Variants in UPF1 observed in about 807,000 individuals in gnomAD.
UPF1 encodes regulator of nonsense transcripts 1.
A neutral mutation model predicts 129.2 loss-of-function variants in UPF1; 9 were observed. The ratio of observed to expected loss-of-function variants is 0.07; its 90% confidence interval spans 0.04 to 0.12. The LOEUF (loss-of-function observed/expected upper bound fraction) is 0.12, where lower values mean the gene tolerates loss of function less well. Ranked by LOEUF, UPF1 falls within the 10% of genes least tolerant of loss-of-function variation. UPF1 has a pLI of 1.00. For missense variants in UPF1, 788 were observed against 1,525.3 expected (o/e 0.52, Z 8.05); for synonymous variants, 649 against 644.9 (o/e 1.01, Z -0.10).
At chr19:18,846,412 C>T (rs1370987660) in intron 2 of UPF1, among the ~76,000 whole-genome samples, 1 of 152,048 alleles carries the variant, frequency 6.6e-6, no homozygotes, top group Non-Finnish European at 1.5e-5. Flanking sequence ...CCTGCGCACT[C>T]ACTCATAGAA....
chr19:18,832,020 T>TCGGCGGCAG lies in UPF1; in HGVS notation c.-182_-174dup. ...GAGGGGAGCTGAGGCGCGGAGGGGC[T>TCGGCGGCAG]CGGCGGCAGCGGCGGCGGCTCGGCA... On this transcript the variant is annotated 5_prime_UTR_variant, in exon 1 of 24. Coordinates refer to ENST00000262803, the MANE Select transcript of UPF1 (RefSeq NM_002911.4). This position sits in a 1 kb window ranked among gnomAD's most constrained non-coding sequence, Gnocchi z 5.6. 1 of 387,368 alleles carries TCGGCGGCAG rather than the reference T, an allele frequency of 2.6e-6. No homozygotes were observed. Among genetic ancestry groups the TCGGCGGCAG allele is most frequent in the East Asian group, 4.7e-5 (1 of 21,342 alleles). The allele number at this position is 387,368 out of a possible 1,614,324, so 24.0% of individuals were successfully genotyped here. A position where few individuals can be genotyped will look rare whatever the true frequency, so the allele number is the denominator to read the frequency against.
Position 18,854,655 on chromosome 19 carries a change from A to C in UPF1, c.1211A>C (p.Glu404Ala). The C allele has an allele frequency of 6.2e-7, 1 of 1,614,120 alleles. No homozygotes were observed. Among genetic ancestry groups the C allele is most frequent in the Non-Finnish European group, 8.5e-7 (1 of 1,180,014 alleles). The change falls in exon 9 of 24, where the codon GAG (glutamate) becomes GCG (alanine). Residue 404 changes from glutamate (E) to alanine (A), a missense_variant. Around this residue, in one of 6 missense-constraint regions of UPF1, gnomAD observed 227 missense variants for 517.9 expected, o/e 0.44. Coordinates refer to ENST00000262803, the MANE Select transcript of UPF1 (RefSeq NM_002911.4). ...CGGAGCAGCGTGGGTGCACCTGTGG[A>C]GGTGACTCACAACTTCCAGGTGGAT... ...ELRSSVGAPV[E>A]VTHNFQVDFV...
At position 18,856,987 on chromosome 19, in the gene UPF1, G is replaced by A; in HGVS notation, c.1935G>A (p.Glu645=). 1 of 1,612,922 alleles carries A rather than the reference G, an allele frequency of 6.2e-7. No homozygotes were observed. The highest frequency in any genetic ancestry group is 8.5e-7 in the Non-Finnish European group (1 of 1,179,968). Residue 645 remains glutamate, a synonymous_variant, in exon 14 of 24, where the codon GAG becomes GAA. Coordinates refer to ENST00000262803, the MANE Select transcript of UPF1 (RefSeq NM_002911.4). ...AAAGCACCCAGGCCACCGAGCCGGAGTGCATGGTTCCCGTGGTCCTCGGGG... is the reference window on the plus strand; with the variant it reads ...AAAGCACCCAGGCCACCGAGCCGGAATGCATGGTTCCCGTGGTCCTCGGGG... ...IDESTQATEP[E]CMVPVVLGAK... is the part of the protein sequence containing the mutation.
Position 18,860,998 on chromosome 19 carries a change from G to A in UPF1, c.2457+16G>A, listed in dbSNP as rs771706061. 8.5e-5 allele frequency: 133 copies of A among 1,559,202 alleles called. No individual in the cohort carries two copies. Among genetic ancestry groups the A allele is most frequent in the Admixed American group, 3.9e-4 (21 of 53,940 alleles). The stretch of plus-strand genomic sequence containing the variant: ...GCTCTACCAGGTGCGCTGCGCCCTC[G>A]GGCACACTTGGTCTCCTGGGCCATG... On this transcript the variant is annotated intron_variant, in intron 17 of 23. Transcript: ENST00000262803.
chr19:18,833,268 A>G (rs1458919377), intron 1 of UPF1: 3 of 152,082 alleles, frequency 2.0e-5, no homozygotes, highest in Non-Finnish European at 4.4e-5. Flanking sequence ...GGCTATTAAG[A>G]TCATTCAGGA....
At chr19:18,835,107 A>G (rs760696216) in intron 1 of UPF1, among the ~76,000 whole-genome samples, 28 of 151,962 alleles carry the variant, frequency 1.8e-4, no homozygotes, top group Non-Finnish European at 3.7e-4. Context: ...CATCCGTCCT[A>G]CCTCCACAGC....
intron 11 of UPF1, chr19:18,855,673 GTC>G: frequency 1.8e-6 from 1 of 550,962 alleles, no homozygotes; most frequent in Non-Finnish European, 3.2e-6. Flanking sequence ...AGGGTGAGAC[GTC>G]TCTACAAAAA....
At chr19:18,834,704 A>G (rs2055465206) in intron 1 of UPF1, among the ~76,000 whole-genome samples, 1 of 152,192 alleles carries the variant, frequency 6.6e-6, no homozygotes, top group African/African-American at 2.4e-5. Context: ...AAGGAAGTCT[A>G]TGAATATCAT....
At chr19:18,852,922 A>C in intron 6 of UPF1, 65 bp from the exon 7 acceptor site, 1 of 1,338,110 alleles carries the variant, frequency 7.5e-7, no homozygotes. Flanking sequence ...GGCCTCGGGC[A>C]TGTGGAGGCC....
chr19:18,847,253 G>C (rs1260963166), intron 2 of UPF1, among the ~76,000 whole-genome samples: 2 of 152,226 alleles, frequency 1.3e-5, no homozygotes, highest in Non-Finnish European at 2.9e-5. Context: ...TTGGTATGTG[G>C]ATTTTCAGAA....
intron 11 of UPF1, 152 bp downstream of exon 11, chr19:18,855,394 A>G (rs1037215654): frequency 7.4e-6 from 6 of 806,302 alleles, no homozygotes; most frequent in Middle Eastern, 3.7e-4. Context: ...TCTATGTGAC[A>G]TTATTCGTGT....
chr19:18,864,165 C>T lies in UPF1; in HGVS notation c.2776-5C>T, dbSNP rs775213919. 10 of 1,613,626 alleles carry T rather than the reference C, an allele frequency of 6.2e-6. No individual in the cohort carries two copies. The highest frequency in any genetic ancestry group is 5.0e-5 in the Admixed American group (3 of 59,992). On this transcript the variant is annotated splice_region_variant and splice_polypyrimidine_tract_variant and intron_variant, in intron 19 of 23. Transcript: ENST00000262803. ...CAAATTCCTCACCTATCTAAACCTT[C>T]GCAGGGAGCCCGCTTCATGACCACA...
chr19:18,858,615 C>G (rs779155023), intron 15 of UPF1, among the ~76,000 whole-genome samples: 1 of 152,056 alleles, frequency 6.6e-6, no homozygotes, highest in Non-Finnish European at 1.5e-5. Flanking sequence ...ACCCATCTCC[C>G]TTTCCAGCCT....
chr19:18,859,540 C>CT (rs1429356306), intron 15 of UPF1: 3 of 152,242 alleles, frequency 2.0e-5, no homozygotes, highest in African/African-American at 7.2e-5. Context: ...CCTGTGCTCG[C>CT]TGTAACAGCA....
At chr19:18,861,088 G>A (rs369779861) in intron 17 of UPF1, 106 bp downstream of exon 17, 1,594 of 1,424,520 alleles carry the variant, frequency 1.1e-3, no homozygotes, top group Non-Finnish European at 1.3e-3. Context: ...CTGGAGCTCA[G>A]AATGGCCCAG....
At position 18,863,486 on chromosome 19, in the gene UPF1, G is replaced by A. The variant is rs754398804; in HGVS notation, c.2649G>A (p.Pro883=). 2.5e-6 allele frequency: 4 copies of A among 1,613,912 alleles called. No homozygotes were observed. The highest frequency in any genetic ancestry group is 1.1e-5 in the South Asian group (1 of 91,076). ...ACCCGAAGGCACTATCAAAGCAGCC[G>A]CTCTGGAACCACCTGCTGAACTACT... ...VGNPKALSKQ[P]LWNHLLNYYK... The change falls in exon 19 of 24, where the codon CCG becomes CCA. Residue 883 remains proline (P), a synonymous_variant. Transcript: ENST00000262803.
At position 18,853,483 on chromosome 19, in the gene UPF1, T is replaced by G. The variant is rs1239977199; in HGVS notation, c.1156+133T>G. 1 of 841,862 alleles carries G rather than the reference T, an allele frequency of 1.2e-6. No individual in the cohort carries two copies. Among genetic ancestry groups the G allele is most frequent in the Admixed American group, 3.1e-5 (1 of 32,432 alleles). 52.1% of individuals were successfully genotyped at this position (841,862 alleles called of 1,614,324 possible). ...GCTCTGTGGTGGGTGCTGGTTGGCA[T>G]CGCCCTCCACTGCTCTTAGGAGAAT... On this transcript the variant is annotated intron_variant, in intron 8 of 23. Coordinates refer to ENST00000262803, the MANE Select transcript of UPF1 (RefSeq NM_002911.4). This position sits in a 1 kb window ranked among gnomAD's most constrained non-coding sequence, Gnocchi z 4.4.
At chr19:18,864,656 C>G (rs759542543) in intron 20 of UPF1, among the ~76,000 whole-genome samples, 32 of 150,302 alleles carry the variant, frequency 2.1e-4, no homozygotes, top group Non-Finnish European at 3.7e-4. Context: ...ACTCCTGCCT[C>G]AAGCAGTCCT....
intron 1 of UPF1, among the ~76,000 whole-genome samples, chr19:18,838,316 C>T (rs906692235): frequency 2.0e-4 from 31 of 152,058 alleles, no homozygotes; most frequent in Non-Finnish European, 8.8e-5. Flanking sequence ...CACTGCACTC[C>T]AGCCTGGGTG....
Sources: gnomAD v4.1 joint callset for allele counts (sites outside exome capture counted in the v4.1 genomes callset) on GRCh38, gnomAD v4.1.1 for gene constraint, gnomAD v4.1.1 regional missense constraint, Gnocchi (gnomAD v3.1) non-coding constraint, MANE v1.5 for transcripts, NCBI Gene and HGNC (gene_info 2026-07-23, HGNC 2026-07-21) for gene names.